HS6ST3: variants seen among roughly 807,000 people sequenced by gnomAD.
HS6ST3 encodes heparan-sulfate 6-O-sulfotransferase 3.
A neutral mutation model predicts 36.7 loss-of-function variants in HS6ST3; 12 were observed. The observed-to-expected ratio is 0.33, with a 90% CI of 0.21 to 0.53. HS6ST3 has a LOEUF of 0.53. HS6ST3 is among the 20% of genes least tolerant of loss of function. HS6ST3 has a pLI of 0.95. For synonymous variants in HS6ST3, 240 were observed against 257.5 expected, an observed-to-expected ratio of 0.93 and a Z score of 0.65; for missense variants, 584 against 640.9, an observed-to-expected ratio of 0.91 and a Z score of 0.96.
At chr13:96,457,607 C>T (rs2055760371) in intron 1 of HS6ST3, among the ~76,000 whole-genome samples, 1 of 152,046 alleles carries the variant, frequency 6.6e-6, no homozygotes, top group Non-Finnish European at 1.5e-5. Context: ...GTATTGATTC[C>T]AAGCACTTCT....
chr13:96,483,312 A>G (rs2055898630), intron 1 of HS6ST3, among the ~76,000 whole-genome samples: 2 of 152,130 alleles, frequency 1.3e-5, no homozygotes, highest in Admixed American at 1.3e-4. Context: ...ACTAAGAGGG[A>G]ACAGTAGGTG....
intron 1 of HS6ST3, among the ~76,000 whole-genome samples, chr13:96,767,308 A>T (rs1955532461): frequency 6.6e-6 from 1 of 152,226 alleles, no homozygotes; most frequent in African/African-American, 2.4e-5. Flanking sequence ...ACACAAGCAC[A>T]TATGTGTACA....
chr13:96,172,592 T>G (rs983119097), intron 1 of HS6ST3, among the ~76,000 whole-genome samples: 1 of 152,210 alleles, frequency 6.6e-6, no homozygotes, highest in African/African-American at 2.4e-5. Flanking sequence ...ACTTTAATTG[T>G]AAATAAATTA....
rs76709022 is a variant in HS6ST3, at chr13:96,556,656, A to G, written c.708-275834A>G. Among the ~76,000 whole-genome samples the G allele has an allele frequency of 3.3e-4, 51 of 152,294 alleles. No homozygotes were observed. In the East Asian group the frequency reaches 9.7e-3, roughly 29 times the overall value. The stretch of plus-strand genomic sequence containing the variant: ...TGATTAGGAAAAATTATTTGTTTTG[A>G]AAAGATGAATGCATTTTAATACTGG... On this transcript the variant is annotated intron_variant, in intron 1 of 1. Coordinates refer to ENST00000376705, the MANE Select transcript of HS6ST3 (RefSeq NM_153456.4).
At chr13:96,103,456 A>G (rs965776969) in intron 1 of HS6ST3, among the ~76,000 whole-genome samples, 7 of 152,220 alleles carry the variant, frequency 4.6e-5, no homozygotes, top group African/African-American at 1.7e-4. Context: ...TGCCTGGTAC[A>G]TAATGGCTGT....
At chr13:96,341,947 T>G (rs1197694949) in intron 1 of HS6ST3, among the ~76,000 whole-genome samples, 1 of 152,172 alleles carries the variant, frequency 6.6e-6, no homozygotes, top group African/African-American at 2.4e-5. Context: ...GCAGTGATTT[T>G]AAGTGTACAT....
intron 1 of HS6ST3, among the ~76,000 whole-genome samples, chr13:96,671,414 T>G (rs915135553): frequency 1.3e-5 from 2 of 152,184 alleles, no homozygotes; most frequent in Admixed American, 1.3e-4. Context: ...AGATGTATCC[T>G]GGATCCATGT....
At position 96,833,243 on chromosome 13, in the gene HS6ST3, C is replaced by T. The variant is rs975853104; in HGVS notation, c.*45C>T. On this transcript the variant is annotated 3_prime_UTR_variant, in exon 2 of 2. Coordinates refer to ENST00000376705, the MANE Select transcript of HS6ST3 (RefSeq NM_153456.4). ...TCAGGAGGGGGAGGGTGAGCAGGCA[C>T]ATTGACTTTCTGTTGAGGTACCTTG... is the stretch of plus-strand genomic sequence containing the variant. 3 of 1,419,854 alleles carry T rather than the reference C, an allele frequency of 2.1e-6. No individual in the cohort carries two copies. The highest frequency in any genetic ancestry group is 2.7e-5 in the Admixed American group (1 of 36,754). The allele number at this position is 1,419,854 out of a possible 1,614,324, so 88.0% of individuals were successfully genotyped here.
intron 1 of HS6ST3, among the ~76,000 whole-genome samples, chr13:96,517,220 A>T (rs867536890): frequency 5.4e-3 from 42 of 7,742 alleles, no homozygotes; most frequent in Admixed American, 0.01. Context: ...TTCCTATTTA[A>T]AAAAAAAAAA....
intron 1 of HS6ST3, among the ~76,000 whole-genome samples, chr13:96,688,346 T>C (rs541705626): frequency 5.3e-5 from 8 of 151,982 alleles, no homozygotes; most frequent in Non-Finnish European, 8.8e-5. Flanking sequence ...GCTGTGCTTC[T>C]ATGAATTTGT....
intron 1 of HS6ST3, among the ~76,000 whole-genome samples, chr13:96,394,442 C>G (rs1171449012): frequency 2.0e-5 from 3 of 152,174 alleles, no homozygotes; most frequent in Admixed American, 2.0e-4. Flanking sequence ...CATCCTCACT[C>G]CTGTCCTGCA....
chr13:96,201,335 C>G (rs2054340812), intron 1 of HS6ST3, among the ~76,000 whole-genome samples: 1 of 151,958 alleles, frequency 6.6e-6, no homozygotes, highest in African/African-American at 2.4e-5. Context: ...GTGGAGGAAG[C>G]CATCCTAGAT....
chr13:96,600,136 T>C (rs1566408065), intron 1 of HS6ST3, among the ~76,000 whole-genome samples: 2 of 152,096 alleles, frequency 1.3e-5, no homozygotes, highest in Non-Finnish European at 2.9e-5. Flanking sequence ...TCTGTAAATG[T>C]CTGTTAGGGC....
intron 1 of HS6ST3, among the ~76,000 whole-genome samples, chr13:96,543,966 T>C (rs757059894): frequency 4.6e-5 from 7 of 151,366 alleles, no homozygotes; most frequent in Non-Finnish European, 8.8e-5. Context: ...TATATATATA[T>C]ATATATAATT....
chr13:96,477,686 A>G (rs955442269), intron 1 of HS6ST3, among the ~76,000 whole-genome samples: 16 of 152,234 alleles, frequency 1.1e-4, no homozygotes, highest in Non-Finnish European at 2.1e-4. Flanking sequence ...CCTGGCCAAC[A>G]TGGTGAAACC....
chr13:96,733,303 C>G (rs553745094), intron 1 of HS6ST3, among the ~76,000 whole-genome samples: 1 of 152,120 alleles, frequency 6.6e-6, no homozygotes, highest in Non-Finnish European at 1.5e-5. Context: ...GAGGTACATT[C>G]CTTCAATATG....
At chr13:96,126,291 G>C (rs2053950598) in intron 1 of HS6ST3, among the ~76,000 whole-genome samples, 1 of 152,074 alleles carries the variant, frequency 6.6e-6, no homozygotes, top group African/African-American at 2.4e-5. Flanking sequence ...ACTGTGCTAC[G>C]CTTGGTCTCC....
At chr13:96,093,038 A>T (rs1453935495) in intron 1 of HS6ST3, among the ~76,000 whole-genome samples, 1 of 152,200 alleles carries the variant, frequency 6.6e-6, no homozygotes, top group East Asian at 1.9e-4. Context: ...CTCCTAACAC[A>T]TAACACTATT....
At chr13:96,188,723 T>C (rs2054275942) in intron 1 of HS6ST3, among the ~76,000 whole-genome samples, 3 of 152,278 alleles carry the variant, frequency 2.0e-5, no homozygotes, top group Admixed American at 1.3e-4. Flanking sequence ...TCTTTGAATT[T>C]TGTTTGTCAT....
Sources: gnomAD v4.1 joint callset for allele counts (sites outside exome capture counted in the v4.1 genomes callset) on GRCh38, gnomAD v4.1.1 for gene constraint, MANE v1.5 for transcripts, NCBI Gene and HGNC (gene_info 2026-07-23, HGNC 2026-07-21) for gene names.